Variants in ZNF460 observed in about 807,000 individuals in gnomAD.
The protein encoded by ZNF460 is zinc finger protein 272.
A neutral mutation model predicts 8.4 loss-of-function variants in ZNF460; 1 was observed. The observed-to-expected ratio is 0.12, with a 90% CI of 0.04 to 0.56. ZNF460 has a LOEUF of 0.56. Among genes scored for constraint, ZNF460 ranks in the 20% least tolerant of loss-of-function variants. ZNF460 has a pLI of 0.91. For synonymous variants in ZNF460, 262 were observed against 259.9 expected, an observed-to-expected ratio of 1.01 and a Z score of -0.08; for missense variants, 477 against 714.8, an observed-to-expected ratio of 0.67 and a Z score of 3.79.
chr19:57,281,757 G>C (rs1280195465), intron 1 of ZNF460: 2 of 151,940 alleles, frequency 1.3e-5, no homozygotes, highest in African/African-American at 4.8e-5. Context: ...GTAGAGACGG[G>C]GTTTTACCGT....
intron 2 of ZNF460, among the ~76,000 whole-genome samples, chr19:57,286,962 CAA>C (rs35363381): frequency 0.25 from 25,658 of 102,178 alleles, 2,021 homozygotes; most frequent in Middle Eastern, 0.3. Context: ...GACTCTGTCT[CAA>C]AAAAAAAAAA....
In ZNF460 at chr19:57,292,462, G is replaced by A. The variant is rs758853200; in HGVS notation, c.*232G>A. On this transcript the variant is annotated 3_prime_UTR_variant, in exon 3 of 3. Coordinates refer to ENST00000360338, the MANE Select transcript of ZNF460 (RefSeq NM_006635.4). ...ATGTTAGAAATTGACACAGCCAAGA[G>A]TCTTATTCTACATCTGATAATTCAC... 14 of 506,042 alleles carry A rather than the reference G, an allele frequency of 2.8e-5. No homozygotes were observed. The highest frequency in any genetic ancestry group is 4.6e-5 in the Non-Finnish European group (13 of 284,958). The allele number at this position is 506,042 out of a possible 1,614,324, so 31.3% of individuals were successfully genotyped here.
chr19:57,288,294 C>G (rs1159646946), intron 2 of ZNF460, among the ~76,000 whole-genome samples: 1 of 152,160 alleles, frequency 6.6e-6, no homozygotes, highest in East Asian at 1.9e-4. Flanking sequence ...CCTCAAACTC[C>G]TGGGCTCAAG....
Position 57,291,816 on chromosome 19 carries a change from T to C in ZNF460, c.1275T>C (p.Cys425=). The C allele has an allele frequency of 6.2e-7, 1 of 1,613,926 alleles. No homozygotes were observed. The highest frequency in any genetic ancestry group is 8.5e-7 in the Non-Finnish European group (1 of 1,179,934). The change falls in exon 3 of 3, where the codon TGT becomes TGC. Residue 425 remains cysteine (C), a synonymous_variant. Coordinates refer to ENST00000360338, the MANE Select transcript of ZNF460 (RefSeq NM_006635.4). This position sits in a 1 kb window ranked among gnomAD's most constrained non-coding sequence, Gnocchi z 8.4. ...AGAAGCCCTATGAGTGTTTACAGTG[T>C]GGAAAGGCTTTTACCCGCATGTCAG... ...TGEKPYECLQ[C]GKAFTRMSGL...
chr19:57,281,995 T>C (rs2087844036), intron 1 of ZNF460: 1 of 152,260 alleles, frequency 6.6e-6, no homozygotes, highest in Non-Finnish European at 1.5e-5. Context: ...GCCTGTGTTT[T>C]TACCCTCTTC....
chr19:57,283,163 A>C (rs1020412372), intron 1 of ZNF460, among the ~76,000 whole-genome samples: 2 of 149,536 alleles, frequency 1.3e-5, no homozygotes, highest in African/African-American at 4.9e-5. Context: ...TTTTTTTTAC[A>C]AACAGTTTTT....
At chr19:57,283,317 A>G (rs1018976137) in intron 1 of ZNF460, among the ~76,000 whole-genome samples, 4 of 151,172 alleles carry the variant, frequency 2.6e-5, no homozygotes, top group Middle Eastern at 3.4e-3. Flanking sequence ...CTACAGGCAC[A>G]CACTACCACA....
Position 57,292,474 on chromosome 19 carries a change from A to T in ZNF460, c.*244A>T. ...GACACAGCCAAGAGTCTTATTCTAC[A>T]TCTGATAATTCACCCATGAAAGAGA... On this transcript the variant is annotated 3_prime_UTR_variant, in exon 3 of 3. Coordinates refer to ENST00000360338, the MANE Select transcript of ZNF460 (RefSeq NM_006635.4). The T allele has an allele frequency of 2.2e-6, 1 of 456,534 alleles. No homozygotes were observed. The highest frequency in any genetic ancestry group is 3.1e-5 in the South Asian group (1 of 32,104). 28.3% of individuals were successfully genotyped at this position (456,534 alleles called of 1,614,324 possible).
At chr19:57,284,236 T>A (rs1600023331) in intron 1 of ZNF460, among the ~76,000 whole-genome samples, 1 of 150,436 alleles carries the variant, frequency 6.6e-6, no homozygotes. Context: ...TATTTATTTA[T>A]TTTTTTTTGA....
intron 1 of ZNF460, among the ~76,000 whole-genome samples, chr19:57,284,200 ATTTATTTATTTATTTATTT>A (rs1453436627): frequency 8.7e-5 from 13 of 149,358 alleles, no homozygotes; most frequent in African/African-American, 2.0e-4. Context: ...GGCTTTATTT[ATTTATTTATTTATTTATTT>A]TTTATTTATT....
At chr19:57,281,716 C>CTTG (rs2087841645) in intron 1 of ZNF460, among the ~76,000 whole-genome samples, 1 of 151,898 alleles carries the variant, frequency 6.6e-6, no homozygotes. Flanking sequence ...CAGGTGTGCG[C>CTTG]CACCACGCCT....
chr19:57,291,891 C>T lies in ZNF460; in HGVS notation c.1350C>T (p.Cys450=), dbSNP rs988323651. 12 of 1,614,038 alleles carry T rather than the reference C, an allele frequency of 7.4e-6. No individual in the cohort carries two copies. In the African/African-American group the frequency reaches 1.1e-4, roughly 14 times the overall value. ...ATACTGGAGAGAAGCCGTATGTATG[C>T]ATCCAATGTGGGAAAGCCTTTTGTC... is the stretch of plus-strand genomic sequence containing the variant. ...WIHTGEKPYV[C]IQCGKAFCRT... Residue 450 remains cysteine, a synonymous_variant, in exon 3 of 3, where the codon TGC becomes TGT. Transcript: ENST00000360338. The surrounding 1 kb of genome is among the most constrained non-coding windows in gnomAD (Gnocchi z 8.4).
intron 2 of ZNF460, among the ~76,000 whole-genome samples, chr19:57,288,242 G>A (rs995674866): frequency 1.2e-4 from 18 of 152,090 alleles, no homozygotes; most frequent in South Asian, 2.1e-4. Context: ...TTCCTCTGTC[G>A]CCCAGGCTGG....
At position 57,280,535 on chromosome 19, in the gene ZNF460, C is replaced by A. The variant is rs1030560031; in HGVS notation, c.-272C>A. 1.8e-6 allele frequency: 1 copy of A among 542,678 alleles called. No individual in the cohort carries two copies. The highest frequency in any genetic ancestry group is 3.3e-6 in the Non-Finnish European group (1 of 302,002). The allele number at this position is 542,678 out of a possible 1,614,324, so 33.6% of individuals were successfully genotyped here. On this transcript the variant is annotated 5_prime_UTR_variant, in exon 1 of 3. Coordinates refer to ENST00000360338, the MANE Select transcript of ZNF460 (RefSeq NM_006635.4). ...GGGTGGGCGCGTTCTGCGGCCTGAG[C>A]AGGGACGGGTAGTGAAGCGGTTACG...
At chr19:57,283,670 T>G (rs918400737) in intron 1 of ZNF460, among the ~76,000 whole-genome samples, 11 of 151,330 alleles carry the variant, frequency 7.3e-5, no homozygotes, top group Non-Finnish European at 1.0e-4. Context: ...CCTGGCTAAT[T>G]TTTGTATTTT....
chr19:57,285,421 A>G (rs143741346), intron 2 of ZNF460, among the ~76,000 whole-genome samples: 1 of 152,222 alleles, frequency 6.6e-6, no homozygotes, highest in Non-Finnish European at 1.5e-5. Context: ...TCTGAGGCTC[A>G]CACATTCCTT....
rs755518939 is a variant in ZNF460 at position 57,292,305 on chromosome 19, A to G, written c.*75A>G. The stretch of plus-strand genomic sequence containing the variant: ...CCTATTAGCGAAATAGTTTTTTAAT[A>G]TAACCACTGAAGAAAATCTGTGGTG... On this transcript the variant is annotated 3_prime_UTR_variant, in exon 3 of 3. Transcript: ENST00000360338. The G allele has an allele frequency of 8.1e-5, 116 of 1,436,992 alleles. No individual in the cohort carries two copies. The highest frequency in any genetic ancestry group is 4.0e-4 in the Admixed American group (19 of 47,342). The allele number at this position is 1,436,992 out of a possible 1,614,324, so 89.0% of individuals were successfully genotyped here.
chr19:57,293,183 A>C lies in ZNF460; in HGVS notation c.*953A>C, dbSNP rs1412836452. The C allele has an allele frequency of 6.6e-6, 1 of 152,232 alleles. No individual in the cohort carries two copies. The highest frequency in any genetic ancestry group is 1.5e-5 in the Non-Finnish European group (1 of 68,042). 9.4% of individuals were successfully genotyped at this position (152,232 alleles called of 1,614,324 possible). On this transcript the variant is annotated 3_prime_UTR_variant, in exon 3 of 3. Coordinates refer to ENST00000360338, the MANE Select transcript of ZNF460 (RefSeq NM_006635.4). Reference sequence around the variant, plus strand: ...TTACTGCTCTTTAGAGAGAGTAAATAGTTCAAAATTCACCTCAACAATTTT... The same window carrying C: ...TTACTGCTCTTTAGAGAGAGTAAATCGTTCAAAATTCACCTCAACAATTTT...
chr19:57,284,505 T>C, intron 1 of ZNF460, 46 bp from the exon 2 acceptor site: 6 of 1,597,736 alleles, frequency 3.8e-6, no homozygotes, highest in Non-Finnish European at 5.1e-6. Flanking sequence ...CTAATCCTAT[T>C]CCACAGTTGC....
Sources: allele counts gnomAD v4.1 joint callset (sites outside exome capture counted in the v4.1 genomes callset), GRCh38; gene constraint gnomAD v4.1.1; non-coding constraint Gnocchi (gnomAD v3.1); transcripts MANE v1.5; gene names NCBI Gene and HGNC (gene_info 2026-07-23, HGNC 2026-07-21).